Variants in CTNNA2 observed in about 807,000 individuals in gnomAD.
CTNNA2 encodes catenin alpha-2.
CTNNA2 carries 42 observed loss-of-function variants against 101.0 expected under a neutral mutation model. That is an observed-to-expected ratio of 0.42 (90% confidence interval 0.32 to 0.54). CTNNA2 has a LOEUF of 0.54. Among genes scored for constraint, CTNNA2 ranks in the 20% least tolerant of loss-of-function variants. CTNNA2 has a pLI of 0.14. For synonymous variants in CTNNA2, 450 were observed against 456.4 expected (o/e 0.99, Z 0.18); for missense variants, 871 against 1,223.1 (o/e 0.71, Z 4.29).
upstream of CTNNA2, among the ~76,000 whole-genome samples, chr2:79,508,861 G>A (rs1203177035): frequency 6.7e-6 from 1 of 150,262 alleles, no homozygotes; most frequent in African/African-American, 2.4e-5. Flanking sequence ...TGGTTGAAAT[G>A]TTTCAACAAG....
intron 4 of CTNNA2, among the ~76,000 whole-genome samples, chr2:79,484,042 A>G (rs1213511886): frequency 6.6e-6 from 1 of 152,130 alleles, no homozygotes; most frequent in East Asian, 1.9e-4. Context: ...CAGGAATTCA[A>G]GATCAGCCTG....
chr2:79,221,293 C>CTGTA (rs1304950642), intron 2 of CTNNA2, among the ~76,000 whole-genome samples: 1 of 152,140 alleles, frequency 6.6e-6, no homozygotes, highest in African/African-American at 2.4e-5. Context: ...AACTACAGAC[C>CTGTA]TGTACCTCCA....
chr2:80,375,948 C>G (rs780897546), intron 7 of CTNNA2, among the ~76,000 whole-genome samples: 2 of 152,070 alleles, frequency 1.3e-5, no homozygotes, highest in Non-Finnish European at 2.9e-5. Flanking sequence ...CTGACTTCCT[C>G]TAAGTACCTC....
chr2:79,796,583 G>A (rs1346771285), intron 3 of CTNNA2, among the ~76,000 whole-genome samples: 1 of 152,158 alleles, frequency 6.6e-6, no homozygotes, highest in African/African-American at 2.4e-5. Flanking sequence ...GACACATGGA[G>A]GCAGGCAGCA....
chr2:79,412,697 C>T (rs71424881), intron 4 of CTNNA2, among the ~76,000 whole-genome samples: 44,094 of 151,728 alleles, frequency 0.29, 6,562 homozygotes, highest in South Asian at 0.45. Flanking sequence ...TTGAAGCCAA[C>T]GAGAACAAAG....
At chr2:79,691,956 G>A (rs1684332981) in intron 2 of CTNNA2, among the ~76,000 whole-genome samples, 1 of 152,112 alleles carries the variant, frequency 6.6e-6, no homozygotes, top group Admixed American at 6.5e-5. Context: ...TTAGGACATA[G>A]GCATGGGCAA....
intron 9 of CTNNA2, among the ~76,000 whole-genome samples, chr2:80,479,154 A>T (rs1000256083): frequency 2.0e-5 from 3 of 152,198 alleles, no homozygotes; most frequent in Middle Eastern, 3.4e-3. Context: ...TTTATTTATT[A>T]ACAGTTTTTT....
At chr2:80,141,743 A>G (rs1389948574) in intron 7 of CTNNA2, among the ~76,000 whole-genome samples, 1 of 152,156 alleles carries the variant, frequency 6.6e-6, no homozygotes, top group Non-Finnish European at 1.5e-5. Context: ...GCATCTAGCT[A>G]GCCCTGAGAA....
intron 1 of CTNNA2, among the ~76,000 whole-genome samples, chr2:79,188,677 C>G (rs1673813882): frequency 6.6e-6 from 1 of 152,072 alleles, no homozygotes; most frequent in African/African-American, 2.4e-5. Flanking sequence ...GTTGAATTCA[C>G]ATAGGTGGAA....
chr2:80,257,268 T>C (rs1225487313), intron 7 of CTNNA2, among the ~76,000 whole-genome samples: 2 of 151,666 alleles, frequency 1.3e-5, no homozygotes, highest in African/African-American at 4.8e-5. Context: ...CATATAAATA[T>C]ATAGTATATA....
At chr2:79,685,334 C>A (rs1311938625) in intron 2 of CTNNA2, among the ~76,000 whole-genome samples, 1 of 152,088 alleles carries the variant, frequency 6.6e-6, no homozygotes, top group African/African-American at 2.4e-5. Context: ...ATATAAGTAT[C>A]CTTGAAGAAG....
At chr2:79,447,168 T>A (rs1051342130) in intron 4 of CTNNA2, among the ~76,000 whole-genome samples, 21 of 151,974 alleles carry the variant, frequency 1.4e-4, no homozygotes, top group Non-Finnish European at 3.1e-4. Flanking sequence ...GCTACAGTAC[T>A]TTAAGGAATT....
chr2:79,187,276 T>C (rs866571914), intron 1 of CTNNA2, among the ~76,000 whole-genome samples: 3 of 136,504 alleles, frequency 2.2e-5, no homozygotes, highest in Admixed American at 7.4e-5. Flanking sequence ...TTTTCTTTTT[T>C]TTTTTTTTTT....
Position 79,294,026 on chromosome 2 carries a change from A to G in CTNNA2, c.-405-18683A>G, listed in dbSNP as rs536025004. 3.5e-4 allele frequency among the ~76,000 whole-genome samples: 54 copies of G among 152,232 alleles called. No homozygotes were observed. In the South Asian group the frequency reaches 4.6e-3, roughly 13 times the overall value. On this transcript the variant is annotated intron_variant, in intron 2 of 21. Transcript: ENST00000466387. ...ACTGTCTTAGTCCGCTTGGTCTGCC[A>G]TAACAAAGCTCTGCACATGGGGTGG...
At chr2:79,695,780 C>T (rs1009960046) in intron 2 of CTNNA2, among the ~76,000 whole-genome samples, 4 of 151,912 alleles carry the variant, frequency 2.6e-5, no homozygotes, top group African/African-American at 4.8e-5. Context: ...GTGTGTATAA[C>T]GAGGGATGTC....
At chr2:80,265,167 G>T (rs990805150) in intron 7 of CTNNA2, among the ~76,000 whole-genome samples, 1 of 151,996 alleles carries the variant, frequency 6.6e-6, no homozygotes, top group Non-Finnish European at 1.5e-5. Context: ...TAGAGACAGG[G>T]TTTCACCATG....
intron 2 of CTNNA2, among the ~76,000 whole-genome samples, chr2:79,225,818 C>T (rs572271019): frequency 6.6e-6 from 1 of 152,282 alleles, no homozygotes; most frequent in African/African-American, 2.4e-5. Flanking sequence ...CTATGTGCGG[C>T]TTTTTGCAAC....
intron 6 of CTNNA2, among the ~76,000 whole-genome samples, chr2:79,876,490 G>C (rs74764594): frequency 0.037 from 5,648 of 152,192 alleles, 380 homozygotes; most frequent in East Asian, 0.3. Flanking sequence ...CATTATTCTA[G>C]TTATAATTTA....
chr2:80,148,056 A>C (rs1053477516), intron 7 of CTNNA2, among the ~76,000 whole-genome samples: 1 of 152,122 alleles, frequency 6.6e-6, no homozygotes, highest in Non-Finnish European at 1.5e-5. Context: ...AAGGATTTGA[A>C]TTTTTTTGGT....
Sources: gnomAD v4.1 joint callset for allele counts (sites outside exome capture counted in the v4.1 genomes callset) on GRCh38, gnomAD v4.1.1 for gene constraint, MANE v1.5 for transcripts, NCBI Gene and HGNC (gene_info 2026-07-23, HGNC 2026-07-21) for gene names.